Variants in NPAS3 observed in about 807,000 individuals in gnomAD.
The protein encoded by NPAS3 is neuronal PAS domain protein 3, also known as neuronal PAS domain-containing protein 3.
In NPAS3, 14 loss-of-function variants were observed where a neutral mutation model predicts 73.1. The ratio of observed to expected loss-of-function variants is 0.19; its 90% CI spans 0.13 to 0.30. The LOEUF (loss-of-function observed/expected upper bound fraction) is 0.30. Among genes scored for constraint, NPAS3 ranks in the 10% least tolerant of loss-of-function variants. The probability of loss-of-function intolerance (pLI) is 1.00; values close to 1 mark genes in which losing one functional copy is unlikely to be tolerated. For missense variants in NPAS3, 1,096 were observed against 1,250.0 expected, an observed-to-expected ratio of 0.88 and a Z score of 1.86; for synonymous variants, 620 against 541.5, an observed-to-expected ratio of 1.14 and a Z score of -2.01.
At chr14:33,461,376 A>C (rs2050257594) in intron 4 of NPAS3, among the ~76,000 whole-genome samples, 2 of 152,234 alleles carry the variant, frequency 1.3e-5, no homozygotes, top group African/African-American at 4.8e-5. Context: ...GCCTATTTCA[A>C]TAAGATAGTT....
rs1440457843 is a variant in NPAS3, at chr14:33,075,079, T to G, written c.140+19085T>G. 2.0e-5 allele frequency among the ~76,000 whole-genome samples: 3 copies of G among 152,234 alleles called. No individual in the cohort carries two copies. In the South Asian group the frequency reaches 6.2e-4, roughly 32 times the overall value. On this transcript the variant is annotated intron_variant, in intron 2 of 11. Coordinates refer to ENST00000356141, the Ensembl canonical transcript of NPAS3. ...ATTTTTATCTTTTAAATCATAAGAGTATGTTGAATATTGTAACACCAGAAT... is the reference window on the plus strand; with the variant it reads ...ATTTTTATCTTTTAAATCATAAGAGGATGTTGAATATTGTAACACCAGAAT...
chr14:33,518,591 G>GTTTT (rs1405527489), intron 4 of NPAS3, among the ~76,000 whole-genome samples: 1 of 117,256 alleles, frequency 8.5e-6, no homozygotes, highest in Non-Finnish European at 1.9e-5. Context: ...AGACATCAAG[G>GTTTT]ATTTTTTTTT....
At chr14:33,589,703 T>C (rs199667205) in intron 5 of NPAS3, among the ~76,000 whole-genome samples, 1 of 147,846 alleles carries the variant, frequency 6.8e-6, no homozygotes, top group Non-Finnish European at 1.5e-5. Context: ...AAGTATGTCT[T>C]TGATAAATTT....
chr14:33,091,088 G>A (rs539701982), intron 2 of NPAS3, among the ~76,000 whole-genome samples: 1 of 152,200 alleles, frequency 6.6e-6, no homozygotes, highest in South Asian at 2.1e-4. Flanking sequence ...AACTTGAGAA[G>A]CAAAAGCAAA....
chr14:33,622,184 A>C (rs1445703743), intron 5 of NPAS3, among the ~76,000 whole-genome samples: 1 of 152,156 alleles, frequency 6.6e-6, no homozygotes, highest in Non-Finnish European at 1.5e-5. Flanking sequence ...TTCTAAGAGC[A>C]AAGAAATAAA....
chr14:33,739,844 A>G (rs1283277768), intron 7 of NPAS3, among the ~76,000 whole-genome samples: 3 of 151,884 alleles, frequency 2.0e-5, no homozygotes, highest in African/African-American at 4.8e-5. Flanking sequence ...CTTCCTCCTC[A>G]TTTCTCCCTC....
At chr14:33,479,395 G>A (rs900446405) in intron 4 of NPAS3, among the ~76,000 whole-genome samples, 3 of 152,152 alleles carry the variant, frequency 2.0e-5, no homozygotes, top group Admixed American at 2.0e-4. Flanking sequence ...CAAACTGTGA[G>A]GTCCCTAGTG....
chr14:33,745,316 C>A (rs191021640), intron 7 of NPAS3, among the ~76,000 whole-genome samples: 1 of 152,312 alleles, frequency 6.6e-6, no homozygotes, highest in East Asian at 1.9e-4. Context: ...ATGTATGTTA[C>A]CGTTTGACCT....
In NPAS3 at chr14:33,376,665, A is replaced by G. The variant is rs2046325484; in HGVS notation, c.468+9397A>G. ...CACATCTCCAGACATGGGAGAGTATATGACAGATTCATTATGTGCGTGGAT... is the reference window on the plus strand; with the variant it reads ...CACATCTCCAGACATGGGAGAGTATGTGACAGATTCATTATGTGCGTGGAT... On this transcript the variant is annotated intron_variant, in intron 4 of 11. Transcript: ENST00000356141. Among the ~76,000 whole-genome samples the G allele has an allele frequency of 2.6e-5, 4 of 152,170 alleles. No homozygotes were observed. The South Asian group carries it at 8.3e-4, about 32-fold the overall frequency.
intron 4 of NPAS3, among the ~76,000 whole-genome samples, chr14:33,535,193 A>G (rs1270357152): frequency 2.0e-5 from 3 of 152,130 alleles, no homozygotes; most frequent in Admixed American, 1.3e-4. Context: ...TATCACTTAC[A>G]CCTTTACTAA....
chr14:33,520,719 G>A (rs1595076844), intron 4 of NPAS3, among the ~76,000 whole-genome samples: 1 of 151,958 alleles, frequency 6.6e-6, no homozygotes, highest in South Asian at 2.1e-4. Flanking sequence ...TAATTTATCC[G>A]TTTTCATTTA....
chr14:33,020,854 G>A (rs865972028), intron 1 of NPAS3, among the ~76,000 whole-genome samples: 1 of 151,864 alleles, frequency 6.6e-6, no homozygotes, highest in Non-Finnish European at 1.5e-5. Flanking sequence ...CCCGCCTCCC[G>A]GGTTCAAGCG....
chr14:33,432,142 C>A (rs1032196779), intron 4 of NPAS3, among the ~76,000 whole-genome samples: 1 of 152,096 alleles, frequency 6.6e-6, no homozygotes, highest in African/African-American at 2.4e-5. Flanking sequence ...GAGCTCTCAC[C>A]ACCCCTCCAC....
chr14:33,688,206 G>A (rs59129369), intron 6 of NPAS3, among the ~76,000 whole-genome samples: 2,234 of 152,286 alleles, frequency 0.015, 42 homozygotes, highest in African/African-American at 0.047. Context: ...CCAATAGGTC[G>A]TTTTTCAACC....
chr14:32,975,997 G>A (rs1402529104), intron 1 of NPAS3, among the ~76,000 whole-genome samples: 1 of 152,038 alleles, frequency 6.6e-6, no homozygotes, highest in African/African-American at 2.4e-5. Context: ...AACTATGACA[G>A]AGCAAAGACA....
rs139450048 is a variant in NPAS3 at position 33,230,597 on chromosome 14, A to G, written c.385+15171A>G. Among the ~76,000 whole-genome samples, 610 of 152,324 alleles carry G rather than the reference A, an allele frequency of 4.0e-3. 4 individuals carry two copies. Among genetic ancestry groups the G allele is most frequent in the African/African-American group, 0.012 (482 of 41,572 alleles). ...ATGAAATCATATACTCCAAAATGAC[A>G]TAACATTTAATACAGACTTATTCTA... On this transcript the variant is annotated intron_variant, in intron 3 of 11. Coordinates refer to ENST00000356141, the Ensembl canonical transcript of NPAS3.
intron 4 of NPAS3, among the ~76,000 whole-genome samples, chr14:33,391,187 CT>C (rs370631048): frequency 0.022 from 2,362 of 109,782 alleles, 45 homozygotes; most frequent in African/African-American, 0.072. Flanking sequence ...TGGCCCATAT[CT>C]TTTTTTTTTT....
chr14:33,800,860 T>C lies in NPAS3; in HGVS notation c.2553T>C (p.Val851=). ...ACCTGCTGCCCAACGCGCACGCTGTTAACTTCGTGGACGTTAACAGCCCCG... is the reference window on the plus strand; with the variant it reads ...ACCTGCTGCCCAACGCGCACGCTGTCAACTTCGTGGACGTTAACAGCCCCG... The change falls in exon 12 of 12, where the codon GTT becomes GTC. Residue 851 remains valine (V), a synonymous_variant. Coordinates refer to ENST00000356141, the Ensembl canonical transcript of NPAS3. This position sits in a 1 kb window ranked among gnomAD's most constrained non-coding sequence, Gnocchi z 6.5. 1 of 1,606,442 alleles carries C rather than the reference T, an allele frequency of 6.2e-7. No individual in the cohort carries two copies. The highest frequency in any genetic ancestry group is 8.5e-7 in the Non-Finnish European group (1 of 1,176,954).
chr14:33,301,862 T>C (rs1197116278), intron 3 of NPAS3, among the ~76,000 whole-genome samples: 1 of 152,204 alleles, frequency 6.6e-6, no homozygotes, highest in Non-Finnish European at 1.5e-5. Flanking sequence ...TCCCATGGTG[T>C]AATGATAGGT....
Sources: allele counts gnomAD v4.1 joint callset (sites outside exome capture counted in the v4.1 genomes callset), GRCh38; gene constraint gnomAD v4.1.1; non-coding constraint Gnocchi (gnomAD v3.1); transcripts MANE v1.5; gene names NCBI Gene and HGNC (gene_info 2026-07-23, HGNC 2026-07-21).